The following TADA2A variants were observed in gnomAD, a reference collection of about 807,000 sequenced individuals.
TADA2A encodes transcriptional adaptor 2A, also known as transcriptional adapter 2-alpha.
In TADA2A, 38 loss-of-function variants were observed where a neutral mutation model predicts 67.4. The ratio of observed to expected loss-of-function variants is 0.56; its 90% CI spans 0.44 to 0.74. TADA2A has a LOEUF of 0.74. Ranked by LOEUF, TADA2A falls within the 30% of genes least tolerant of loss-of-function variation. TADA2A has a pLI of 0.00. For missense variants in TADA2A, 454 were observed against 547.0 expected (o/e 0.83, Z 1.70); for synonymous variants, 192 against 181.6 (o/e 1.06, Z -0.46).
At chr17:37,429,605 C>T (rs1420584102) in intron 4 of TADA2A, among the ~76,000 whole-genome samples, 8 of 152,066 alleles carry the variant, frequency 5.3e-5, no homozygotes, top group Non-Finnish European at 1.2e-4. Context: ...AGAATTGGGC[C>T]TCCTACAGCA....
At chr17:37,457,621 C>T (rs899495708) in intron 8 of TADA2A, among the ~76,000 whole-genome samples, 4 of 151,066 alleles carry the variant, frequency 2.6e-5, no homozygotes, top group African/African-American at 7.3e-5. Context: ...CTCAGCCTCC[C>T]GAGTAGCTGG....
intron 11 of TADA2A, 81 bp from the exon 12 acceptor site, chr17:37,467,372 GA>G (rs971165945): frequency 3.5e-6 from 4 of 1,146,358 alleles, no homozygotes; most frequent in Non-Finnish European, 5.1e-6. Context: ...CAGAATTAAT[GA>G]AAATGCTCAA....
chr17:37,437,911 C>T, intron 5 of TADA2A, 82 bp downstream of exon 5: 1 of 1,315,042 alleles, frequency 7.6e-7, no homozygotes, highest in East Asian at 2.3e-5. Flanking sequence ...GAAGGAACCT[C>T]AGGAAGAGAA....
At chr17:37,470,735 CTTTGATCCTATTTTT>C (rs2053768699) in intron 13 of TADA2A, among the ~76,000 whole-genome samples, 2 of 152,132 alleles carry the variant, frequency 1.3e-5, no homozygotes, top group African/African-American at 4.8e-5. Context: ...TACTTTACTA[CTTTGATCCTATTTTT>C]TAAAATGAGT....
intron 12 of TADA2A, among the ~76,000 whole-genome samples, chr17:37,468,903 T>C (rs1262943234): frequency 6.9e-6 from 1 of 144,016 alleles, no homozygotes; most frequent in Non-Finnish European, 1.5e-5. Context: ...AGTTGGCTTC[T>C]TTTTTTTTTT....
Position 37,476,891 on chromosome 17 carries a change from C to T in TADA2A, c.1241C>T (p.Ala414Val), listed in dbSNP as rs748285471. The T allele has an allele frequency of 2.5e-6, 4 of 1,613,978 alleles. No individual in the cohort carries two copies. The highest frequency in any genetic ancestry group is 2.2e-5 in the East Asian group (1 of 44,886). Residue 414 changes from alanine to valine, a missense_variant, in exon 16 of 16, where the codon GCG (alanine) becomes GTG (valine). This residue lies in a region of TADA2A where 51 missense variants were observed against 91.5 expected (regional missense o/e 0.56). Coordinates refer to ENST00000615182, the MANE Select transcript of TADA2A (RefSeq NM_001166105.3). ...ECNKQGGLRL[A>V]QARALIKIDV... Reference sequence around the variant, plus strand: ...AACAAGCAAGGAGGCTTAAGACTGGCGCAGGCAAGAGCACTCATCAAGATA... The same window carrying T: ...AACAAGCAAGGAGGCTTAAGACTGGTGCAGGCAAGAGCACTCATCAAGATA...
intron 4 of TADA2A, among the ~76,000 whole-genome samples, chr17:37,427,653 A>G (rs2052448008): frequency 6.6e-6 from 1 of 152,166 alleles, no homozygotes; most frequent in Non-Finnish European, 1.5e-5. Flanking sequence ...GTGAATATCC[A>G]GTCTGCTTGA....
intron 1 of TADA2A, chr17:37,407,188 C>T (rs1476451479): frequency 6.6e-6 from 1 of 151,588 alleles, no homozygotes; most frequent in Non-Finnish European, 1.5e-5. Context: ...GGGCCCGCCC[C>T]GCGTCTGGGC....
At chr17:37,459,490 C>T (rs2053492125) in intron 9 of TADA2A, among the ~76,000 whole-genome samples, 1 of 151,004 alleles carries the variant, frequency 6.6e-6, no homozygotes, top group East Asian at 2.0e-4. Flanking sequence ...GCCATGTTGT[C>T]CAGGCTGGTC....
At chr17:37,470,757 G>A (rs905104790) in intron 13 of TADA2A, among the ~76,000 whole-genome samples, 3 of 152,070 alleles carry the variant, frequency 2.0e-5, no homozygotes, top group Non-Finnish European at 4.4e-5. Context: ...TTTTTAAAAT[G>A]AGTGTATTTT....
chr17:37,475,174 T>A (rs1028730342), intron 15 of TADA2A, among the ~76,000 whole-genome samples: 7 of 151,952 alleles, frequency 4.6e-5, no homozygotes, highest in Admixed American at 6.5e-5. Flanking sequence ...TATTTTTTTT[T>A]ATTTATTTAT....
intron 2 of TADA2A, among the ~76,000 whole-genome samples, chr17:37,419,685 T>C (rs2052168504): frequency 7.1e-6 from 1 of 140,178 alleles, no homozygotes; most frequent in Non-Finnish European, 1.6e-5. Context: ...GGCTGAGGCA[T>C]GAGAATTGCT....
chr17:37,435,532 C>A (rs1234635278), intron 4 of TADA2A, among the ~76,000 whole-genome samples: 1 of 152,172 alleles, frequency 6.6e-6, no homozygotes, highest in Non-Finnish European at 1.5e-5. Flanking sequence ...TCGTGATCTG[C>A]CCGCCTTGGC....
intron 5 of TADA2A, 85 bp downstream of exon 5, chr17:37,437,914 G>A (rs1455845729): frequency 7.8e-7 from 1 of 1,280,516 alleles, no homozygotes; most frequent in African/African-American, 1.5e-5. Context: ...GGAACCTCAG[G>A]AAGAGAAAGT....
Position 37,467,501 on chromosome 17 carries a change from A to G in TADA2A, c.871A>G (p.Thr291Ala), listed in dbSNP as rs541695385. 16 of 1,613,984 alleles carry G rather than the reference A, an allele frequency of 9.9e-6. 1 individual carries two copies. In the South Asian group the frequency reaches 1.8e-4, roughly 18 times the overall value. Residue 291 changes from threonine (T) to alanine (A), a missense_variant, in exon 12 of 16, where the codon ACA becomes GCA. By Grantham distance (58) the Thr-to-Ala change is moderately conservative. Transcript: ENST00000615182. ...REIKRLQEYR[T>A]AGITNFCSAR... ...AATCAAGAGGCTCCAAGAATACAGGACAGCAGGCATTACCAATTTTTGTAG... is the reference window on the plus strand; with the variant it reads ...AATCAAGAGGCTCCAAGAATACAGGGCAGCAGGCATTACCAATTTTTGTAG...
intron 8 of TADA2A, among the ~76,000 whole-genome samples, chr17:37,447,894 C>T (rs2053127459): frequency 1.3e-5 from 2 of 152,162 alleles, no homozygotes; most frequent in Admixed American, 6.6e-5. Flanking sequence ...TTGTAGAAAT[C>T]AGGACACTGA....
In TADA2A at chr17:37,478,424, A is replaced by G. The variant is rs1006612150; in HGVS notation, c.*1442A>G. 6.6e-6 allele frequency: 1 copy of G among 152,184 alleles called. No individual in the cohort carries two copies. Among genetic ancestry groups the G allele is most frequent in the African/African-American group, 2.4e-5 (1 of 41,436 alleles). 9.4% of individuals were successfully genotyped at this position (152,184 alleles called of 1,614,324 possible). Reference sequence around the variant, plus strand: ...TACCAAGCCCCTGAGGATGGAGATGATGCAACAAACCTCAGCTTTGCTTGG... The same window carrying G: ...TACCAAGCCCCTGAGGATGGAGATGGTGCAACAAACCTCAGCTTTGCTTGG... On this transcript the variant is annotated 3_prime_UTR_variant, in exon 16 of 16. Coordinates refer to ENST00000615182, the MANE Select transcript of TADA2A (RefSeq NM_001166105.3).
chr17:37,440,450 T>C, intron 5 of TADA2A, 55 bp from the exon 6 acceptor site: 2 of 1,580,600 alleles, frequency 1.3e-6, no homozygotes, highest in South Asian at 1.1e-5. Flanking sequence ...ATGATGCTTT[T>C]AGTATTATGT....
At chr17:37,430,493 C>G (rs536539412) in intron 4 of TADA2A, among the ~76,000 whole-genome samples, 6 of 152,276 alleles carry the variant, frequency 3.9e-5, no homozygotes, top group African/African-American at 1.4e-4. Flanking sequence ...GTGTGTTAAC[C>G]AGGATTTCTG....
Sources: gnomAD v4.1 joint callset for allele counts (sites outside exome capture counted in the v4.1 genomes callset) on GRCh38, gnomAD v4.1.1 for gene constraint, gnomAD v4.1.1 regional missense constraint, MANE v1.5 for transcripts, NCBI Gene and HGNC (gene_info 2026-07-23, HGNC 2026-07-21) for gene names.